NTM: variants seen among roughly 807,000 people sequenced by gnomAD.
The protein encoded by NTM is neurotrimin, also known as IgLON family member 2.
In NTM, 13 loss-of-function variants were observed where a neutral mutation model predicts 42.1. The ratio of observed to expected loss-of-function variants is 0.31; its 90% CI spans 0.20 to 0.49. The LOEUF (loss-of-function observed/expected upper bound fraction) is 0.49. Among genes scored for constraint, NTM ranks in the 20% least tolerant of loss-of-function variants. The pLI is 0.99. For synonymous variants in NTM, 187 were observed against 179.2 expected, an observed-to-expected ratio of 1.04 and a Z score of -0.35; for missense variants, 373 against 452.8, an observed-to-expected ratio of 0.82 and a Z score of 1.60.
intron 1 of NTM, among the ~76,000 whole-genome samples, chr11:131,630,663 C>T (rs1489149622): frequency 2.6e-5 from 4 of 152,136 alleles, no homozygotes; most frequent in Non-Finnish European, 5.9e-5. Flanking sequence ...AATCAAGATC[C>T]GATAGGCTCT....
chr11:131,391,078 G>A (rs1242431312), intron 1 of NTM, among the ~76,000 whole-genome samples: 1 of 152,170 alleles, frequency 6.6e-6, no homozygotes, highest in Non-Finnish European at 1.5e-5. Flanking sequence ...CTACACGTGT[G>A]CTACTACCAT....
chr11:132,063,068 T>C (rs570858862), intron 2 of NTM, among the ~76,000 whole-genome samples: 75 of 152,190 alleles, frequency 4.9e-4, no homozygotes, highest in African/African-American at 1.8e-3. Context: ...AAGTTCAAGA[T>C]CAATGTCTCA....
chr11:131,431,625 G>A (rs1164978156), intron 1 of NTM, among the ~76,000 whole-genome samples: 2 of 152,154 alleles, frequency 1.3e-5, no homozygotes, highest in Non-Finnish European at 2.9e-5. Context: ...CCGTGTGGCT[G>A]GCCCAACATC....
chr11:132,039,348 G>A (rs2076899083), intron 2 of NTM, among the ~76,000 whole-genome samples: 2 of 151,932 alleles, frequency 1.3e-5, no homozygotes, highest in African/African-American at 2.4e-5. Flanking sequence ...CTTGAAAGCA[G>A]GGCCTTTTGT....
At chr11:132,084,744 T>C (rs1406657676) in intron 2 of NTM, among the ~76,000 whole-genome samples, 1 of 152,256 alleles carries the variant, frequency 6.6e-6, no homozygotes, top group Non-Finnish European at 1.5e-5. Flanking sequence ...TCTTTCTTTC[T>C]TTTCCTTGGT....
intron 1 of NTM, among the ~76,000 whole-genome samples, chr11:131,615,036 C>G (rs1353717254): frequency 2.0e-5 from 3 of 152,184 alleles, no homozygotes; most frequent in Non-Finnish European, 4.4e-5. Context: ...AGAGGTTTTT[C>G]CCCTTGAAGT....
rs1368291563 is a variant in NTM at position 132,002,666 on chromosome 11, T to C, written c.167+91018T>C. The stretch of plus-strand genomic sequence containing the variant: ...TCTTAGTATCCATGCTTCTCCTGAA[T>C]CATTCCTCTCGTTAGGAATGTCAGT... On this transcript the variant is annotated intron_variant, in intron 2 of 8. Coordinates refer to ENST00000683400, the MANE Select transcript of NTM (RefSeq NM_001352005.2). This position sits in a 1 kb window ranked among gnomAD's most constrained non-coding sequence, Gnocchi z 4.5. Among the ~76,000 whole-genome samples, 2 of 152,226 alleles carry C rather than the reference T, an allele frequency of 1.3e-5. No individual in the cohort carries two copies. Among genetic ancestry groups the C allele is most frequent in the Non-Finnish European group, 2.9e-5 (2 of 68,054 alleles).
chr11:132,291,492 A>G (rs2094449309), intron 4 of NTM, among the ~76,000 whole-genome samples: 1 of 152,184 alleles, frequency 6.6e-6, no homozygotes, highest in South Asian at 2.1e-4. Context: ...CCATGTGACC[A>G]TGGAATTGCC....
intron 1 of NTM, among the ~76,000 whole-genome samples, chr11:131,809,892 C>G (rs2092668249): frequency 6.6e-6 from 1 of 152,162 alleles, no homozygotes; most frequent in African/African-American, 2.4e-5. Flanking sequence ...TTCCAAATTC[C>G]TGCCTTGACG....
intron 1 of NTM, among the ~76,000 whole-genome samples, chr11:131,596,130 C>T (rs2059792063): frequency 1.3e-5 from 2 of 152,190 alleles, no homozygotes; most frequent in Admixed American, 1.3e-4. Flanking sequence ...CGGTATTTAG[C>T]TGGAAGACAT....
chr11:131,375,529 C>G (rs2135486121), intron 1 of NTM, among the ~76,000 whole-genome samples: 1 of 152,254 alleles, frequency 6.6e-6, no homozygotes, highest in East Asian at 1.9e-4. Flanking sequence ...TTCATCTTAT[C>G]AGAGAGTGCA....
At chr11:132,273,224 G>C (rs2093564645) in intron 4 of NTM, among the ~76,000 whole-genome samples, 1 of 148,786 alleles carries the variant, frequency 6.7e-6, no homozygotes, top group Admixed American at 6.7e-5. Context: ...TCTGGATGTT[G>C]AACCAATTTT....
chr11:131,867,009 G>A (rs2047288384), intron 1 of NTM, among the ~76,000 whole-genome samples: 1 of 152,312 alleles, frequency 6.6e-6, no homozygotes, highest in Admixed American at 6.5e-5. Flanking sequence ...GTGGGGGAAG[G>A]GGGCACTCCC....
At chr11:131,902,020 T>A (rs1311436600) in intron 1 of NTM, among the ~76,000 whole-genome samples, 1 of 152,252 alleles carries the variant, frequency 6.6e-6, no homozygotes, top group Non-Finnish European at 1.5e-5. Flanking sequence ...AAGGCTGTGA[T>A]GCCCCAAGGG....
chr11:132,316,944 C>A (rs371210311), intron 7 of NTM, among the ~76,000 whole-genome samples: 1 of 152,114 alleles, frequency 6.6e-6, no homozygotes, highest in African/African-American at 2.4e-5. Context: ...GTACTTTTTG[C>A]GAATATACAA....
chr11:132,049,713 G>T (rs1370763762), intron 2 of NTM, among the ~76,000 whole-genome samples: 2 of 152,204 alleles, frequency 1.3e-5, no homozygotes, highest in African/African-American at 4.8e-5. Context: ...GAGGACCAAT[G>T]CTGTGTTCAG....
At chr11:131,520,420 G>C (rs1272356080) in intron 1 of NTM, among the ~76,000 whole-genome samples, 1 of 152,128 alleles carries the variant, frequency 6.6e-6, no homozygotes, top group Non-Finnish European at 1.5e-5. Flanking sequence ...CTTGGAACCA[G>C]GAGTCCACTG....
At chr11:131,957,043 A>G (rs186292358) in intron 2 of NTM, among the ~76,000 whole-genome samples, 34 of 152,290 alleles carry the variant, frequency 2.2e-4, no homozygotes, top group African/African-American at 7.7e-4. Context: ...ATGGGGGAAT[A>G]TCATCTCTAA....
intron 1 of NTM, among the ~76,000 whole-genome samples, chr11:131,816,459 C>T (rs541860514): frequency 6.6e-6 from 1 of 151,270 alleles, no homozygotes; most frequent in East Asian, 1.9e-4. Flanking sequence ...TACCCTGTAT[C>T]TTAGAGGCTT....
Sources: gnomAD v4.1 joint callset for allele counts (sites outside exome capture counted in the v4.1 genomes callset) on GRCh38, gnomAD v4.1.1 for gene constraint, Gnocchi (gnomAD v3.1) non-coding constraint, MANE v1.5 for transcripts, NCBI Gene and HGNC (gene_info 2026-07-23, HGNC 2026-07-21) for gene names.